CNTN5: variants seen among roughly 807,000 people sequenced by gnomAD.
CNTN5 encodes contactin 5, also known as contactin-5.
Under a neutral mutation model 129.1 loss-of-function variants are expected in CNTN5, and 77 were observed. The ratio of observed to expected loss-of-function variants is 0.60; its 90% confidence interval spans 0.50 to 0.72. The LOEUF is 0.72. CNTN5 is among the 30% of genes least tolerant of loss of function. The pLI is 0.00. For missense variants in CNTN5, 1,478 were observed against 1,328.8 expected (o/e 1.11, Z -1.75); for synonymous variants, 509 against 465.6 (o/e 1.09, Z -1.20).
intron 2 of CNTN5, among the ~76,000 whole-genome samples, chr11:99,382,845 C>CCTTTTTTTTTTTTTTTTTTTT (rs1417732458): frequency 1.3e-5 from 1 of 77,032 alleles, no homozygotes; most frequent in South Asian, 5.7e-4. Context: ...CTCTAAATAA[C>CCTTTTTTTTTTTTTTTTTTTT]TTTTTTTTTT....
At chr11:99,339,053 C>T (rs1866389877) in intron 2 of CNTN5, among the ~76,000 whole-genome samples, 1 of 145,270 alleles carries the variant, frequency 6.9e-6, no homozygotes. Flanking sequence ...AGTCCTTATC[C>T]CTATAGATAA....
At chr11:100,111,798 C>A (rs1945665853) in intron 13 of CNTN5, among the ~76,000 whole-genome samples, 1 of 152,086 alleles carries the variant, frequency 6.6e-6, no homozygotes, top group East Asian at 1.9e-4. Context: ...CCCATTTGCT[C>A]CTACTCCTGT....
intron 1 of CNTN5, among the ~76,000 whole-genome samples, chr11:99,278,707 C>T (rs1369076118): frequency 6.6e-6 from 1 of 151,670 alleles, no homozygotes; most frequent in Non-Finnish European, 1.5e-5. Context: ...TATACCTCAT[C>T]CAAGGTCATC....
intron 1 of CNTN5, among the ~76,000 whole-genome samples, chr11:99,084,291 T>G (rs534031278): frequency 2.2e-4 from 33 of 152,338 alleles, no homozygotes; most frequent in Admixed American, 2.1e-3. Context: ...TTGTAGTCTT[T>G]GTGACTTTTG....
intron 13 of CNTN5, among the ~76,000 whole-genome samples, chr11:100,127,233 C>G (rs547487860): frequency 6.6e-6 from 1 of 151,570 alleles, no homozygotes. Context: ...AGCCACAGCA[C>G]CCAGCTGGTA....
intron 2 of CNTN5, among the ~76,000 whole-genome samples, chr11:99,514,471 G>T (rs891814413): frequency 2.0e-5 from 3 of 151,914 alleles, no homozygotes; most frequent in Non-Finnish European, 4.4e-5. Flanking sequence ...TTCAAGAAAA[G>T]AAGAGTCCAC....
chr11:100,188,392 G>T (rs1948369071), intron 13 of CNTN5, among the ~76,000 whole-genome samples: 1 of 152,228 alleles, frequency 6.6e-6, no homozygotes, highest in East Asian at 1.9e-4. Context: ...AGCTGTGATT[G>T]CACCACTGTA....
intron 2 of CNTN5, among the ~76,000 whole-genome samples, chr11:99,378,973 A>G (rs953168945): frequency 7.2e-5 from 11 of 152,098 alleles, no homozygotes; most frequent in African/African-American, 1.9e-4. Context: ...ACATGAATTC[A>G]TAAGTCTTTT....
chr11:99,826,003 T>A (rs1946944840), intron 4 of CNTN5, among the ~76,000 whole-genome samples: 1 of 152,086 alleles, frequency 6.6e-6, no homozygotes, highest in African/African-American at 2.4e-5. Flanking sequence ...TTTCTACACT[T>A]TTTTGTGTTA....
chr11:99,913,665 A>G (rs1032999465), intron 6 of CNTN5, among the ~76,000 whole-genome samples: 4 of 151,994 alleles, frequency 2.6e-5, no homozygotes, highest in Non-Finnish European at 5.9e-5. Flanking sequence ...GTTATTCTAT[A>G]ATTTTCTTTT....
Position 99,325,440 on chromosome 11 carries a change from T to A in CNTN5, c.-115T>A, listed in dbSNP as rs1483201980. On this transcript the variant is annotated 5_prime_UTR_variant, in exon 2 of 25. Coordinates refer to ENST00000524871, the MANE Select transcript of CNTN5 (RefSeq NM_014361.4). ...AAAAGGATTACTTTACAGATACCAG[T>A]TCCTTTGTCAAGAGCATACTTTGGA... 6.6e-6 allele frequency: 1 copy of A among 152,174 alleles called. No homozygotes were observed. The highest frequency in any genetic ancestry group is 1.5e-5 in the Non-Finnish European group (1 of 68,034). 9.4% of individuals were successfully genotyped at this position (152,174 alleles called of 1,614,324 possible).
chr11:99,506,270 A>G (rs759254838), intron 2 of CNTN5, among the ~76,000 whole-genome samples: 10 of 152,206 alleles, frequency 6.6e-5, no homozygotes, highest in Non-Finnish European at 1.5e-4. Flanking sequence ...AAGTATTTCC[A>G]TAATTTTGAG....
At chr11:99,719,699 G>A (rs1943102256) in intron 3 of CNTN5, among the ~76,000 whole-genome samples, 2 of 151,974 alleles carry the variant, frequency 1.3e-5, no homozygotes, top group Non-Finnish European at 2.9e-5. Flanking sequence ...AATCCGAGCT[G>A]AACTGAAGGA....
chr11:99,808,953 C>A (rs1430792607), intron 3 of CNTN5, among the ~76,000 whole-genome samples: 1 of 152,134 alleles, frequency 6.6e-6, no homozygotes, highest in African/African-American at 2.4e-5. Context: ...ATAGGGTTTT[C>A]TTTAATGGTA....
chr11:99,558,673 C>A (rs2135544674), intron 3 of CNTN5, among the ~76,000 whole-genome samples: 1 of 151,984 alleles, frequency 6.6e-6, no homozygotes, highest in East Asian at 1.9e-4. Flanking sequence ...AGATTTCCAG[C>A]TAATACTGGA....
At chr11:100,039,636 A>C (rs985958744) in intron 9 of CNTN5, among the ~76,000 whole-genome samples, 1 of 152,128 alleles carries the variant, frequency 6.6e-6, no homozygotes, top group African/African-American at 2.4e-5. Context: ...CTTTTCACAT[A>C]GTCCCATATT....
At chr11:99,095,651 G>C (rs987322903) in intron 1 of CNTN5, among the ~76,000 whole-genome samples, 8 of 151,834 alleles carry the variant, frequency 5.3e-5, no homozygotes. Flanking sequence ...AGAGATGTAG[G>C]TGCCTGTGTA....
Position 99,133,951 on chromosome 11 carries a change from T to C in CNTN5, c.-210+112681T>C, listed in dbSNP as rs538340819. Among the ~76,000 whole-genome samples the C allele has an allele frequency of 1.4e-4, 21 of 152,320 alleles. 1 individual carries two copies. Among genetic ancestry groups the C allele is most frequent in the Admixed American group, 9.8e-4 (15 of 15,308 alleles). On this transcript the variant is annotated intron_variant, in intron 1 of 24. Transcript: ENST00000524871. ...TAAATCATTCTATTACAAAGATACA[T>C]GCACATGTATGTTCATTGCAGCACT...
At chr11:100,268,396 G>C (rs975057516) in intron 17 of CNTN5, among the ~76,000 whole-genome samples, 7 of 152,110 alleles carry the variant, frequency 4.6e-5, no homozygotes, top group African/African-American at 1.7e-4. Context: ...GTAACAGTAA[G>C]AAGTTGTGGA....
Sources: allele counts gnomAD v4.1 joint callset (sites outside exome capture counted in the v4.1 genomes callset), GRCh38; gene constraint gnomAD v4.1.1; transcripts MANE v1.5; gene names NCBI Gene and HGNC (gene_info 2026-07-23, HGNC 2026-07-21).